The following DSCAML1 variants were observed in gnomAD, a reference collection of about 807,000 sequenced individuals.
DSCAML1 encodes the protein cell adhesion molecule DSCAML1.
In DSCAML1, 38 loss-of-function variants were observed where a neutral mutation model predicts 200.5. The observed-to-expected ratio is 0.19, with a 90% CI of 0.15 to 0.25. The LOEUF is 0.25. Ranked by LOEUF, DSCAML1 falls within the 10% of genes least tolerant of loss-of-function variation. The pLI is 1.00. For missense variants in DSCAML1, 2,223 were observed against 2,858.8 expected (o/e 0.78, Z 5.07); for synonymous variants, 1,215 against 1,165.0 (o/e 1.04, Z -0.87).
At chr11:117,752,543 C>G (rs2054621502) in intron 3 of DSCAML1, among the ~76,000 whole-genome samples, 1 of 152,174 alleles carries the variant, frequency 6.6e-6, no homozygotes. Flanking sequence ...ACTAGCAGGT[C>G]ACTGGATAAA....
intron 3 of DSCAML1, among the ~76,000 whole-genome samples, chr11:117,577,961 A>G (rs921094414): frequency 1.3e-5 from 2 of 148,868 alleles, no homozygotes; most frequent in African/African-American, 4.9e-5. Flanking sequence ...TCAGCCTGGC[A>G]TGGTGGCTCA....
chr11:117,814,079 T>G (rs1049162335), intron 1 of DSCAML1, among the ~76,000 whole-genome samples: 2 of 152,194 alleles, frequency 1.3e-5, no homozygotes, highest in African/African-American at 4.8e-5. Flanking sequence ...ATTAACCCTG[T>G]GAATTTCCTT....
At position 117,505,805 on chromosome 11, in the gene DSCAML1, C is replaced by T; in HGVS notation, c.1784-73G>A. On this transcript the variant is annotated intron_variant, in intron 8 of 32. Transcript: ENST00000651296. The surrounding 1 kb of genome is among the most constrained non-coding windows in gnomAD (Gnocchi z 6.7). ...CTGGCCGCCAACGCCGCCTCACCTG[C>T]CTTACCTGGGGCTCTGGGTTGGGCC... 6.6e-7 allele frequency: 1 copy of T among 1,526,306 alleles called. No homozygotes were observed. Among genetic ancestry groups the T allele is most frequent in the Non-Finnish European group, 8.8e-7 (1 of 1,137,636 alleles). 94.5% of individuals were successfully genotyped at this position (1,526,306 alleles called of 1,614,324 possible). A position where few individuals can be genotyped will look rare whatever the true frequency, so the allele number is the denominator to read the frequency against.
At chr11:117,747,367 G>A (rs1387857826) in intron 3 of DSCAML1, among the ~76,000 whole-genome samples, 1 of 152,188 alleles carries the variant, frequency 6.6e-6, no homozygotes, top group East Asian at 1.9e-4. Context: ...GGCTGGGGTT[G>A]CTGAAGGTCC....
At position 117,516,762 on chromosome 11, in the gene DSCAML1, G is replaced by A; in HGVS notation, c.1511-23C>T. On this transcript the variant is annotated intron_variant, in intron 7 of 32. Coordinates refer to ENST00000651296, the MANE Select transcript of DSCAML1 (RefSeq NM_020693.4). This position sits in a 1 kb window ranked among gnomAD's most constrained non-coding sequence, Gnocchi z 5.7. ...GGCCTGGGCAGGAGTCAGAAGAGAG[G>A]AGGAGGAGGAGAAGGGCATGTGCTG... 1 of 1,597,924 alleles carries A rather than the reference G, an allele frequency of 6.3e-7. No individual in the cohort carries two copies. The highest frequency in any genetic ancestry group is 2.2e-5 in the East Asian group (1 of 44,732).
chr11:117,480,616 G>A lies in DSCAML1; in HGVS notation c.2657-45C>T. The A allele has an allele frequency of 5.8e-6, 9 of 1,547,370 alleles. No individual in the cohort carries two copies. The highest frequency in any genetic ancestry group is 7.0e-6 in the Non-Finnish European group (8 of 1,145,172). On this transcript the variant is annotated intron_variant, in intron 13 of 32. Coordinates refer to ENST00000651296, the MANE Select transcript of DSCAML1 (RefSeq NM_020693.4). This position sits in a 1 kb window ranked among gnomAD's most constrained non-coding sequence, Gnocchi z 4.1. ...GGGAGGGAAGTGAGGAGGGCAGCAG[G>A]GAGCTTGGCCTCCTGCTTGGCCCTG... is the stretch of plus-strand genomic sequence containing the variant.
intron 1 of DSCAML1, among the ~76,000 whole-genome samples, chr11:117,811,698 T>C (rs1389826205): frequency 6.6e-6 from 1 of 152,196 alleles, no homozygotes; most frequent in Non-Finnish European, 1.5e-5. Context: ...CCTGGAACTC[T>C]GGCCCAAGGC....
chr11:117,577,157 C>G (rs2137450353), intron 3 of DSCAML1, among the ~76,000 whole-genome samples: 1 of 152,258 alleles, frequency 6.6e-6, no homozygotes, highest in Non-Finnish European at 1.5e-5. Flanking sequence ...CTGAATCTCT[C>G]TGGTCTCTGG....
In DSCAML1 at chr11:117,431,634, A is replaced by G; in HGVS notation, c.5274T>C (p.Pro1758=). The G allele has an allele frequency of 6.2e-7, 1 of 1,613,402 alleles. No homozygotes were observed. The highest frequency in any genetic ancestry group is 8.5e-7 in the Non-Finnish European group (1 of 1,179,566). The part of the protein sequence containing the change: ...WTLTKCQAST[P]ARTLTSDWRT... Reference sequence around the variant, plus strand: ...GCCAGTCGGAGGTGAGGGTGCGGGCAGGTGTGGAGGCCTGGCACTTGGTCA... The same window carrying G: ...GCCAGTCGGAGGTGAGGGTGCGGGCGGGTGTGGAGGCCTGGCACTTGGTCA... The change falls in exon 31 of 33, where the codon CCT becomes CCC. Residue 1758 remains proline (P), a synonymous_variant. Transcript: ENST00000651296.
At chr11:117,773,967 C>T (rs901926434) in intron 3 of DSCAML1, among the ~76,000 whole-genome samples, 1 of 152,194 alleles carries the variant, frequency 6.6e-6, no homozygotes, top group African/African-American at 2.4e-5. Context: ...GATAATTATG[C>T]CCTATGGGGC....
chr11:117,479,634 G>A (rs2048867404), intron 14 of DSCAML1, among the ~76,000 whole-genome samples: 2 of 152,132 alleles, frequency 1.3e-5, no homozygotes, highest in South Asian at 4.2e-4. Flanking sequence ...CCTGAGAGGA[G>A]GGCTCTGGGA....
At chr11:117,673,704 G>C (rs954836868) in intron 3 of DSCAML1, among the ~76,000 whole-genome samples, 15 of 152,262 alleles carry the variant, frequency 9.9e-5, no homozygotes, top group Admixed American at 6.5e-5. Flanking sequence ...GGGTTGAGGA[G>C]GTGGGGGTGG....
intron 3 of DSCAML1, among the ~76,000 whole-genome samples, chr11:117,726,424 CA>C (rs779294615): frequency 5.9e-5 from 9 of 152,016 alleles, no homozygotes; most frequent in Non-Finnish European, 1.2e-4. Context: ...CCTTAGGTAA[CA>C]TTTATATTTA....
chr11:117,538,531 T>C (rs982503730), intron 3 of DSCAML1, among the ~76,000 whole-genome samples: 1 of 152,192 alleles, frequency 6.6e-6, no homozygotes, highest in Non-Finnish European at 1.5e-5. Context: ...AGCTTGGAGA[T>C]GAAGAAGCCT....
chr11:117,789,472 G>A (rs1019710504), intron 1 of DSCAML1, among the ~76,000 whole-genome samples: 68 of 152,142 alleles, frequency 4.5e-4, no homozygotes, highest in African/African-American at 1.6e-3. Context: ...GCCTAGAGAG[G>A]TGGAGTCATC....
At chr11:117,450,756 G>A in intron 19 of DSCAML1, 68 bp from the exon 20 acceptor site, 1 of 1,548,188 alleles carries the variant, frequency 6.5e-7, no homozygotes, top group Non-Finnish European at 8.7e-7. Flanking sequence ...AAATGACAGA[G>A]TTGGGAGAGG....
At chr11:117,621,968 A>C (rs1279576245) in intron 3 of DSCAML1, among the ~76,000 whole-genome samples, 1 of 152,180 alleles carries the variant, frequency 6.6e-6, no homozygotes, top group South Asian at 2.1e-4. Context: ...CTATACATTG[A>C]AATATTATTT....
intron 3 of DSCAML1, among the ~76,000 whole-genome samples, chr11:117,623,330 T>G (rs1277422656): frequency 6.6e-6 from 1 of 151,724 alleles, no homozygotes; most frequent in Non-Finnish European, 1.5e-5. Flanking sequence ...GATTCTCCTG[T>G]CTCAGCCTCC....
In DSCAML1 at chr11:117,480,398, G is replaced by A. The variant is rs560082733; in HGVS notation, c.2785+45C>T. 494 of 1,609,196 alleles carry A rather than the reference G, an allele frequency of 3.1e-4. 2 individuals carry two copies. The South Asian group carries it at 5.2e-3, about 17-fold the overall frequency. On this transcript the variant is annotated intron_variant, in intron 14 of 32. Transcript: ENST00000651296. The surrounding 1 kb of genome is among the most constrained non-coding windows in gnomAD (Gnocchi z 4.1). The stretch of plus-strand genomic sequence containing the variant: ...GCACAGGCAGGACACGTGGCACAAG[G>A]GGCCATGGCAGGCCACGCTGTCACC...
Sources: allele counts gnomAD v4.1 joint callset (sites outside exome capture counted in the v4.1 genomes callset), GRCh38; gene constraint gnomAD v4.1.1; non-coding constraint Gnocchi (gnomAD v3.1); transcripts MANE v1.5; gene names NCBI Gene and HGNC (gene_info 2026-07-23, HGNC 2026-07-21).